The following WDPCP variants were observed in gnomAD, a reference collection of about 807,000 sequenced individuals.
The protein encoded by WDPCP is WD repeat containing planar cell polarity effector.
Under a neutral mutation model 93.1 loss-of-function variants are expected in WDPCP, and 71 were observed. The observed-to-expected ratio is 0.76, with a 90% CI of 0.63 to 0.93. The LOEUF is 0.93. Ranked by LOEUF, WDPCP falls within the 40% of genes least tolerant of loss-of-function variation. The pLI, the probability that WDPCP is intolerant of heterozygous loss-of-function variation, is 0.00. For synonymous variants in WDPCP, 315 were observed against 315.0 expected (o/e 1.00, Z 0.00); for missense variants, 844 against 887.4 (o/e 0.95, Z 0.62).
At chr2:63,692,299 CTGTGTGTGTA>C (rs766189838) in intron 2 of WDPCP, among the ~76,000 whole-genome samples, 21 of 151,034 alleles carry the variant, frequency 1.4e-4, no homozygotes, top group Non-Finnish European at 2.5e-4. Context: ...TACATTCTCT[CTGTGTGTGTA>C]TGTGTGTGTA....
chr2:63,360,766 C>CCAT (rs1172469548), intron 12 of WDPCP, among the ~76,000 whole-genome samples: 2 of 152,148 alleles, frequency 1.3e-5, no homozygotes, highest in African/African-American at 4.8e-5. Flanking sequence ...GGTCCAAATC[C>CCAT]CATCTTTTAT....
rs142565253 is a variant in WDPCP, at chr2:63,298,011, C to T, written c.1812+15237G>A. On this transcript the variant is annotated intron_variant, in intron 13 of 17. Transcript: ENST00000272321. Reference sequence around the variant, plus strand: ...TTGCCACTTGGGGAGAAAAAATGGCCAAAGGGTAAAACCTCCAGAATGCAT... The same window carrying T: ...TTGCCACTTGGGGAGAAAAAATGGCTAAAGGGTAAAACCTCCAGAATGCAT... 4.1e-3 allele frequency among the ~76,000 whole-genome samples: 621 copies of T among 152,224 alleles called. 1 individual carries two copies. The highest frequency in any genetic ancestry group is 7.1e-3 in the Non-Finnish European group (484 of 68,000).
At chr2:63,504,120 T>C (rs1701720423) in intron 1 of WDPCP, among the ~76,000 whole-genome samples, 1 of 152,104 alleles carries the variant, frequency 6.6e-6, no homozygotes, top group African/African-American at 2.4e-5. Context: ...TGCAACTTGA[T>C]AGTTGTATAC....
intron 6 of WDPCP, among the ~76,000 whole-genome samples, chr2:63,454,597 T>C (rs1234673848): frequency 1.3e-5 from 2 of 152,140 alleles, no homozygotes; most frequent in Admixed American, 6.5e-5. Context: ...ACAGGAGTTA[T>C]CAGTATTCCT....
chr2:63,408,199 G>A (rs768144083), intron 9 of WDPCP, among the ~76,000 whole-genome samples: 1 of 152,166 alleles, frequency 6.6e-6, no homozygotes. Flanking sequence ...AAGAGCCACA[G>A]ACTCTCTGAA....
In WDPCP at chr2:63,121,120, G is replaced by C; in HGVS notation, c.*886C>G. Among the ~76,000 whole-genome samples, 1 of 152,074 alleles carries C rather than the reference G, an allele frequency of 6.6e-6. No individual in the cohort carries two copies. Among genetic ancestry groups the C allele is most frequent in the South Asian group, 2.1e-4 (1 of 4,824 alleles). ...CACTCAATGGGCAGTGTAAAGGAGA[G>C]GCATTCTGAGTTTAAAGAACTCAAA... On this transcript the variant is annotated 3_prime_UTR_variant, in exon 18 of 18. Transcript: ENST00000272321.
At chr2:63,331,010 C>G (rs1687938479) in intron 12 of WDPCP, among the ~76,000 whole-genome samples, 1 of 151,846 alleles carries the variant, frequency 6.6e-6, no homozygotes, top group Non-Finnish European at 1.5e-5. Context: ...GCCAGGACTA[C>G]AGATGTGCAC....
chr2:63,279,415 T>C (rs1385115941), intron 13 of WDPCP, among the ~76,000 whole-genome samples: 1 of 152,182 alleles, frequency 6.6e-6, no homozygotes, highest in Non-Finnish European at 1.5e-5. Flanking sequence ...CGGCATCCCA[T>C]TAGGATTAAA....
the WDPCP span, among the ~76,000 whole-genome samples, chr2:63,833,069 A>G: frequency 6.6e-6 from 1 of 152,164 alleles, no homozygotes; most frequent in Non-Finnish European, 1.5e-5. Flanking sequence ...CCTGGCCAAC[A>G]TGGTGAAACT....
chr2:63,247,838 T>C (rs1680410204), intron 14 of WDPCP, among the ~76,000 whole-genome samples: 1 of 152,086 alleles, frequency 6.6e-6, no homozygotes, highest in Non-Finnish European at 1.5e-5. Flanking sequence ...ATAGGCTTTT[T>C]GTTACTCATT....
At chr2:63,201,877 T>C (rs898645373) in intron 14 of WDPCP, among the ~76,000 whole-genome samples, 1 of 152,118 alleles carries the variant, frequency 6.6e-6, no homozygotes, top group Non-Finnish European at 1.5e-5. Context: ...TTCTATTTTG[T>C]ATATTTGTGC....
intron 12 of WDPCP, among the ~76,000 whole-genome samples, chr2:63,330,493 A>G (rs1687898632): frequency 1.3e-5 from 2 of 151,932 alleles, no homozygotes; most frequent in Non-Finnish European, 2.9e-5. Flanking sequence ...CTTCCCAGCT[A>G]TATGGTTTGC....
At chr2:63,722,609 T>TGG (rs1292362297) in intron 2 of WDPCP, among the ~76,000 whole-genome samples, 1 of 58,530 alleles carries the variant, frequency 1.7e-5, no homozygotes, top group Non-Finnish European at 3.4e-5. Flanking sequence ...GGGAGGGAGG[T>TGG]GGGGGGGTCA....
the WDPCP span, among the ~76,000 whole-genome samples, chr2:63,838,980 G>A: frequency 6.6e-6 from 1 of 152,174 alleles, no homozygotes; most frequent in East Asian, 1.9e-4. Context: ...GAAATATTTG[G>A]AAACTAAGCT....
intron 1 of WDPCP, among the ~76,000 whole-genome samples, chr2:63,493,774 T>C (rs1205053198): frequency 2.6e-5 from 4 of 152,242 alleles, no homozygotes; most frequent in African/African-American, 4.8e-5. Flanking sequence ...GAAATAAACA[T>C]AGTACTATAC....
chr2:63,681,052 C>T (rs1278851378), intron 2 of WDPCP, among the ~76,000 whole-genome samples: 2 of 152,134 alleles, frequency 1.3e-5, no homozygotes, highest in East Asian at 1.9e-4. Flanking sequence ...CCTAGTTGTA[C>T]AGCATGGGCC....
intron 2 of WDPCP, among the ~76,000 whole-genome samples, chr2:63,669,507 G>A (rs1350020490): frequency 1.3e-5 from 2 of 151,660 alleles, no homozygotes; most frequent in Non-Finnish European, 2.9e-5. Flanking sequence ...TTACAGGTAC[G>A]TGCCACCATG....
chr2:63,647,122 T>G (rs1405709694), intron 3 of WDPCP, among the ~76,000 whole-genome samples: 1 of 152,124 alleles, frequency 6.6e-6, no homozygotes, highest in East Asian at 1.9e-4. Flanking sequence ...TTGTCTCCTC[T>G]GATCATGCAT....
chr2:63,556,341 G>C (rs185474355), intron 1 of WDPCP, among the ~76,000 whole-genome samples: 15 of 152,286 alleles, frequency 9.8e-5, no homozygotes, highest in Non-Finnish European at 2.1e-4. Context: ...AAGAACTATG[G>C]GGTTATGTAA....
Sources: gnomAD v4.1 joint callset for allele counts (sites outside exome capture counted in the v4.1 genomes callset) on GRCh38, gnomAD v4.1.1 for gene constraint, MANE v1.5 for transcripts, NCBI Gene and HGNC (gene_info 2026-07-23, HGNC 2026-07-21) for gene names.